The following ESR1 variants were observed in gnomAD, a reference collection of about 807,000 sequenced individuals.
The protein encoded by ESR1 is estrogen receptor 1.
In ESR1, 12 loss-of-function variants were observed where a neutral mutation model predicts 52.7. The ratio of observed to expected loss-of-function variants is 0.23; its 90% confidence interval spans 0.15 to 0.37. The LOEUF is 0.37. Among genes scored for constraint, ESR1 ranks in the 10% least tolerant of loss-of-function variants. The probability of loss-of-function intolerance (pLI) is 1.00; values close to 1 mark genes in which losing one functional copy is unlikely to be tolerated. For synonymous variants in ESR1, 305 were observed against 316.8 expected (o/e 0.96, Z 0.39); for missense variants, 584 against 779.7 (o/e 0.75, Z 2.99).
At position 152,101,156 on chromosome 6, in the gene ESR1, A is replaced by G. The variant is rs1159211832; in HGVS notation, c.*2190A>G. 8.7e-6 allele frequency: 2 copies of G among 230,964 alleles called. No individual in the cohort carries two copies. The highest frequency in any genetic ancestry group is 1.7e-5 in the Non-Finnish European group (2 of 116,984). The allele number at this position is 230,964 out of a possible 1,614,324, so 14.3% of individuals were successfully genotyped here. On this transcript the variant is annotated 3_prime_UTR_variant, in exon 8 of 8. Coordinates refer to ENST00000206249, the MANE Select transcript of ESR1 (RefSeq NM_000125.4). ...ACATTTCATATCAACTTTTGTATCC[A>G]CAGTAGACAAAATAGCACTAATCCA...
At chr6:151,809,099 G>A (rs1050019684) in intron 1 of ESR1, 3 of 370,844 alleles carry the variant, frequency 8.1e-6, no homozygotes, top group Admixed American at 7.2e-5. Flanking sequence ...CCATATGGAA[G>A]CACAAGTGCT....
At chr6:151,962,375 C>T (rs1490023997) in intron 4 of ESR1, among the ~76,000 whole-genome samples, 1 of 151,970 alleles carries the variant, frequency 6.6e-6, no homozygotes, top group East Asian at 1.9e-4. Flanking sequence ...GAGAGGACCA[C>T]GGGAGCACCC....
intron 6 of ESR1, among the ~76,000 whole-genome samples, chr6:152,064,809 G>C (rs988212739): frequency 6.6e-6 from 1 of 152,150 alleles, no homozygotes; most frequent in African/African-American, 2.4e-5. Context: ...TGCTAGACAT[G>C]GCCAGGAGGA....
chr6:151,673,631 C>T (rs1778154256), intron 1 of ESR1, among the ~76,000 whole-genome samples: 1 of 151,958 alleles, frequency 6.6e-6, no homozygotes, highest in Admixed American at 6.6e-5. Flanking sequence ...GCCTGTAATC[C>T]CAGCACTTTG....
chr6:151,924,860 T>C (rs1053186189), intron 3 of ESR1, among the ~76,000 whole-genome samples: 38 of 152,178 alleles, frequency 2.5e-4, no homozygotes, highest in Admixed American at 2.3e-3. Context: ...CTGCATACCA[T>C]TGATGGGCAT....
chr6:152,109,345 A>C (rs1324125702), intron 6 of ESR1, among the ~76,000 whole-genome samples: 4 of 152,132 alleles, frequency 2.6e-5, no homozygotes, highest in Admixed American at 1.3e-4. Context: ...AGCTAGTTTT[A>C]AGTTCACATT....
chr6:151,729,186 G>A (rs1007529723), intron 2 of ESR1, among the ~76,000 whole-genome samples: 1 of 152,178 alleles, frequency 6.6e-6, no homozygotes, highest in African/African-American at 2.4e-5. Context: ...CCTCAGCAAA[G>A]AGGCCTAGGA....
chr6:151,790,514 C>T (rs1402381751), intron 2 of ESR1, among the ~76,000 whole-genome samples: 1 of 151,956 alleles, frequency 6.6e-6, no homozygotes, highest in Admixed American at 6.6e-5. Context: ...CTCTAATTTC[C>T]CAATTCTTGA....
chr6:151,669,191 G>GAGAGAGA (rs1562319599), intron 1 of ESR1, among the ~76,000 whole-genome samples: 12 of 37,724 alleles, frequency 3.2e-4, no homozygotes, highest in Non-Finnish European at 4.8e-4. Flanking sequence ...AGAGAGAGAT[G>GAGAGAGA]GGAATCCAGG....
At chr6:151,969,943 T>C (rs749039754) in intron 4 of ESR1, among the ~76,000 whole-genome samples, 2 of 152,126 alleles carry the variant, frequency 1.3e-5, no homozygotes, top group Non-Finnish European at 2.9e-5. Context: ...AATGAACTTA[T>C]TCATTGCCTC....
chr6:151,763,315 AT>A (rs779348122), intron 2 of ESR1, among the ~76,000 whole-genome samples: 8 of 151,512 alleles, frequency 5.3e-5, no homozygotes, highest in Non-Finnish European at 1.2e-4. Flanking sequence ...CACTTCTTTC[AT>A]TATTTCTACG....
rs1223963210 is a variant in ESR1 at position 152,060,977 on chromosome 6, C to G, written c.1236-14C>G. On this transcript the variant is annotated splice_polypyrimidine_tract_variant and intron_variant, in intron 5 of 7. Transcript: ENST00000206249. ...CTTTTTATTTATTTATTTATTTTTG[C>G]TATGTTTTCATAGGAACCAGGGAAA... is the stretch of plus-strand genomic sequence containing the variant. The G allele has an allele frequency of 1.3e-6, 2 of 1,571,152 alleles. No homozygotes were observed. Among genetic ancestry groups the G allele is most frequent in the Admixed American group, 3.5e-5 (2 of 56,682 alleles).
rs192761612 is a variant in ESR1, at chr6:151,692,043, G to A, written c.-202+1379G>A. ...CAAAATTTTCCTTAAGAATACAAGC[G>A]TCGTATTTACGAGTAGAAGATTTTT... On this transcript the variant is annotated intron_variant, in intron 1 of 2. Coordinates refer to the ESR1 transcript ENST00000404742. 1.2e-4 allele frequency among the ~76,000 whole-genome samples: 18 copies of A among 152,296 alleles called. No individual in the cohort carries two copies. The East Asian group carries it at 2.5e-3, about 21-fold the overall frequency.
chr6:151,702,440 C>A (rs1468630849), intron 2 of ESR1, among the ~76,000 whole-genome samples: 1 of 152,078 alleles, frequency 6.6e-6, no homozygotes, highest in Non-Finnish European at 1.5e-5. Flanking sequence ...AATTTCACAA[C>A]CTCCTTCTCC....
intron 5 of ESR1, 69 bp downstream of exon 5, chr6:152,011,863 T>C: frequency 1.3e-6 from 2 of 1,537,594 alleles, no homozygotes; most frequent in East Asian, 4.5e-5. Context: ...TGAAACTATT[T>C]TATTCATCTC....
chr6:151,974,737 T>C (rs1021548300), intron 4 of ESR1, among the ~76,000 whole-genome samples: 2 of 152,224 alleles, frequency 1.3e-5, no homozygotes, highest in Non-Finnish European at 2.9e-5. Flanking sequence ...CTTAGTCTTT[T>C]TTTCCTATGT....
At chr6:152,005,832 G>A (rs2042284752) in intron 4 of ESR1, among the ~76,000 whole-genome samples, 1 of 152,066 alleles carries the variant, frequency 6.6e-6, no homozygotes, top group Non-Finnish European at 1.5e-5. Flanking sequence ...GTGGGAGTGT[G>A]CCCTCCAGAT....
At chr6:152,025,881 C>T (rs528651731) in intron 5 of ESR1, among the ~76,000 whole-genome samples, 62 of 152,022 alleles carry the variant, frequency 4.1e-4, no homozygotes, top group African/African-American at 1.4e-3. Context: ...CATCAGTTTT[C>T]GCTGGGCCCC....
At chr6:151,892,017 G>C (rs924295818) in intron 3 of ESR1, among the ~76,000 whole-genome samples, 14 of 151,888 alleles carry the variant, frequency 9.2e-5, no homozygotes, top group African/African-American at 3.4e-4. Flanking sequence ...TTCTATTTTT[G>C]AAAGTCTGAT....
Sources: gnomAD v4.1 joint callset for allele counts (sites outside exome capture counted in the v4.1 genomes callset) on GRCh38, gnomAD v4.1.1 for gene constraint, MANE v1.5 for transcripts, NCBI Gene and HGNC (gene_info 2026-07-23, HGNC 2026-07-21) for gene names.